TNFRSF10B: variants seen among roughly 807,000 people sequenced by gnomAD.
TNFRSF10B encodes TNF receptor superfamily member 10b.
In TNFRSF10B, 35 loss-of-function variants were observed where a neutral mutation model predicts 41.4. The ratio of observed to expected loss-of-function variants is 0.85; its 90% CI spans 0.65 to 1.12. The LOEUF is 1.12. TNFRSF10B is among the 50% of genes most tolerant of loss of function. TNFRSF10B has a pLI of 0.00. For missense variants in TNFRSF10B, 584 were observed against 552.7 expected, an observed-to-expected ratio of 1.06 and a Z score of -0.57; for synonymous variants, 230 against 215.5, an observed-to-expected ratio of 1.07 and a Z score of -0.59.
intron 2 of TNFRSF10B, among the ~76,000 whole-genome samples, chr8:23,040,709 G>T (rs4872046): frequency 0.83 from 126,589 of 151,752 alleles, 52,895 homozygotes; most frequent in East Asian, 0.95. Flanking sequence ...AAGGCAGAGA[G>T]TGGCAGAATG....
At chr8:23,066,368 A>G (rs760496442) in intron 1 of TNFRSF10B, among the ~76,000 whole-genome samples, 4 of 152,170 alleles carry the variant, frequency 2.6e-5, no homozygotes, top group Non-Finnish European at 4.4e-5. Context: ...CAAAAAATAT[A>G]TATCTGATAT....
chr8:23,063,580 T>C (rs1251872284), intron 1 of TNFRSF10B, among the ~76,000 whole-genome samples: 1 of 152,124 alleles, frequency 6.6e-6, no homozygotes, highest in Non-Finnish European at 1.5e-5. Flanking sequence ...ACAAACCTCT[T>C]TCCTCTTCTT....
At chr8:23,025,431 A>G (rs539577839) in intron 7 of TNFRSF10B, among the ~76,000 whole-genome samples, 1 of 152,334 alleles carries the variant, frequency 6.6e-6, no homozygotes, top group South Asian at 2.1e-4. Context: ...CGGGAGGGGT[A>G]CTAGAGAAAA....
intron 1 of TNFRSF10B, among the ~76,000 whole-genome samples, chr8:23,051,128 G>A (rs1419781073): frequency 6.6e-6 from 1 of 152,132 alleles, no homozygotes; most frequent in Non-Finnish European, 1.5e-5. Context: ...ATACACTTAT[G>A]TATTTGTCTT....
At position 23,022,767 on chromosome 8, in the gene TNFRSF10B, C is replaced by T. The variant is rs149907791; in HGVS notation, c.1227G>A (p.Leu409=). 280 of 1,613,964 alleles carry T rather than the reference C, an allele frequency of 1.7e-4. No homozygotes were observed. In the African/African-American group the frequency reaches 3.4e-3, roughly 20 times the overall value. ...VHTLLDALET[L]GERLAKQKIE... ...TCTTCTGCTTGGCAAGTCTCTCTCC[C>T]AGCGTCTCCAAGGCATCCAGCAGGG... The change falls in exon 9 of 9, where the codon CTG becomes CTA. Residue 409 remains leucine, a synonymous_variant. Coordinates refer to ENST00000276431, the MANE Select transcript of TNFRSF10B (RefSeq NM_003842.5).
chr8:23,031,202 A>G (rs1377549492), intron 2 of TNFRSF10B, among the ~76,000 whole-genome samples: 2 of 150,466 alleles, frequency 1.3e-5, no homozygotes, highest in African/African-American at 4.9e-5. Flanking sequence ...CAGCCTCCTG[A>G]GTAGCTGGGA....
At chr8:23,039,849 C>T (rs968844562) in intron 2 of TNFRSF10B, among the ~76,000 whole-genome samples, 9 of 152,096 alleles carry the variant, frequency 5.9e-5, no homozygotes, top group Non-Finnish European at 1.3e-4. Context: ...ATAAAACTAC[C>T]TGTTTAGATA....
At chr8:23,061,997 T>C (rs1411300863) in intron 1 of TNFRSF10B, among the ~76,000 whole-genome samples, 1 of 152,202 alleles carries the variant, frequency 6.6e-6, no homozygotes, top group Non-Finnish European at 1.5e-5. Context: ...CTTTATTTTC[T>C]TGTAATATCT....
intron 1 of TNFRSF10B, among the ~76,000 whole-genome samples, chr8:23,052,805 CTTT>C (rs1812563270): frequency 6.6e-6 from 1 of 151,910 alleles, no homozygotes; most frequent in Admixed American, 6.6e-5. Flanking sequence ...TAAAATGCTT[CTTT>C]GACTTAAAAA....
intron 7 of TNFRSF10B, among the ~76,000 whole-genome samples, chr8:23,024,867 C>A (rs1811655590): frequency 6.6e-6 from 1 of 151,816 alleles, no homozygotes; most frequent in Non-Finnish European, 1.5e-5. Flanking sequence ...AGAGGCCAGG[C>A]ATGGTGGCTC....
chr8:23,048,208 T>C (rs2128817393), intron 1 of TNFRSF10B, among the ~76,000 whole-genome samples: 1 of 151,368 alleles, frequency 6.6e-6, no homozygotes, highest in South Asian at 2.1e-4. Context: ...CAAGGTAGGG[T>C]GTGGATCACC....
intron 1 of TNFRSF10B, among the ~76,000 whole-genome samples, chr8:23,043,978 A>T (rs2128816149): frequency 6.6e-6 from 1 of 152,352 alleles, no homozygotes; most frequent in South Asian, 2.1e-4. Flanking sequence ...ACCATCACAT[A>T]TGCAGTCTGT....
Position 23,029,697 on chromosome 8 carries a change from G to T in TNFRSF10B, c.389C>A (p.Thr130Asn), listed in dbSNP as rs1313694355. Residue 130 changes from threonine (T) to asparagine (N), a missense_variant, in exon 4 of 9, where the codon ACC becomes AAC. Physicochemically the swap from Thr to Asn is moderately conservative, Grantham distance 65. Coordinates refer to ENST00000276431, the MANE Select transcript of TNFRSF10B (RefSeq NM_003842.5). ...DSGEVELSPC[T>N]TTRNTVCQCE... is the part of the protein sequence containing the mutation. ...CTGACACACTGTGTTTCTGGTCGTG[G>T]TGCAGGGACTTAGCTCCACTTCACC... The T allele has an allele frequency of 6.2e-7, 1 of 1,613,954 alleles. No individual in the cohort carries two copies. Among genetic ancestry groups the T allele is most frequent in the Non-Finnish European group, 8.5e-7 (1 of 1,179,950 alleles).
chr8:23,059,094 C>T (rs1211935435), intron 1 of TNFRSF10B, among the ~76,000 whole-genome samples: 1 of 152,106 alleles, frequency 6.6e-6, no homozygotes, highest in Non-Finnish European at 1.5e-5. Context: ...CAAGTGGAAT[C>T]CTATTTCATT....
chr8:23,030,703 T>C (rs568076026), intron 3 of TNFRSF10B, 56 bp downstream of exon 3: 156 of 1,391,642 alleles, frequency 1.1e-4, no homozygotes, highest in Non-Finnish European at 1.5e-4. Flanking sequence ...TAGCTACAAC[T>C]TTTATGTCAT....
intron 2 of TNFRSF10B, among the ~76,000 whole-genome samples, chr8:23,042,336 A>C (rs1322667943): frequency 6.6e-6 from 1 of 152,252 alleles, no homozygotes; most frequent in Non-Finnish European, 1.5e-5. Flanking sequence ...ATGGATTTTA[A>C]AAGCCACTGC....
chr8:23,020,678 T>A lies in TNFRSF10B; in HGVS notation c.*1993A>T, dbSNP rs1242824280. 4.4e-6 allele frequency: 2 copies of A among 453,518 alleles called. No homozygotes were observed. The highest frequency in any genetic ancestry group is 1.6e-5 in the South Asian group (1 of 64,406). 28.1% of individuals were successfully genotyped at this position (453,518 alleles called of 1,614,324 possible). ...TTGCACTCCAGCCTGGGCGAGAGAG[T>A]GAGATTCTGTCTCAAAAAAATTAAA... is the stretch of plus-strand genomic sequence containing the variant. On this transcript the variant is annotated 3_prime_UTR_variant, in exon 9 of 9. Coordinates refer to ENST00000276431, the MANE Select transcript of TNFRSF10B (RefSeq NM_003842.5).
chr8:23,022,518 G>T lies in TNFRSF10B; in HGVS notation c.*153C>A. On this transcript the variant is annotated 3_prime_UTR_variant, in exon 9 of 9. Coordinates refer to ENST00000276431, the MANE Select transcript of TNFRSF10B (RefSeq NM_003842.5). ...CAAGTGCAGTGAAAAGTTACAGGAT[G>T]TTCCATCCACTGGGTGATGTTGGAT... The T allele has an allele frequency of 1.3e-6, 1 of 791,086 alleles. No individual in the cohort carries two copies. Among genetic ancestry groups the T allele is most frequent in the Non-Finnish European group, 2.2e-6 (1 of 464,304 alleles). The allele number at this position is 791,086 out of a possible 1,614,324, so 49.0% of individuals were successfully genotyped here.
Position 23,022,179 on chromosome 8 carries a change from G to A in TNFRSF10B, c.*492C>T. 2 of 450,004 alleles carry A rather than the reference G, an allele frequency of 4.4e-6. No individual in the cohort carries two copies. Among genetic ancestry groups the A allele is most frequent in the South Asian group, 1.6e-5 (1 of 64,162 alleles). 27.9% of individuals were successfully genotyped at this position (450,004 alleles called of 1,614,324 possible). ...GATGGCTGAGGTGGGAGAATCGCTT[G>A]AGCCTGAGAGGTCAAGGCTATAGTG... is the stretch of plus-strand genomic sequence containing the variant. On this transcript the variant is annotated 3_prime_UTR_variant, in exon 9 of 9. Transcript: ENST00000276431.
Sources: allele counts gnomAD v4.1 joint callset (sites outside exome capture counted in the v4.1 genomes callset), GRCh38; gene constraint gnomAD v4.1.1; transcripts MANE v1.5; gene names NCBI Gene and HGNC (gene_info 2026-07-23, HGNC 2026-07-21).